Variants in OCA2 observed in about 807,000 individuals in gnomAD.
OCA2 encodes P protein.
Under a neutral mutation model 100.2 loss-of-function variants are expected in OCA2, and 77 were observed. That is an observed-to-expected ratio of 0.77 (90% CI 0.64 to 0.93). The LOEUF is 0.93. Ranked by LOEUF, OCA2 falls within the 40% of genes least tolerant of loss-of-function variation. The pLI is 0.00. For missense variants in OCA2, 1,062 were observed against 1,089.1 expected, an observed-to-expected ratio of 0.98 and a Z score of 0.35; for synonymous variants, 432 against 439.2, an observed-to-expected ratio of 0.98 and a Z score of 0.21.
intron 23 of OCA2, among the ~76,000 whole-genome samples, chr15:27,818,379 A>G (rs542499485): frequency 1.6e-3 from 237 of 152,210 alleles, no homozygotes; most frequent in African/African-American, 5.4e-3. Flanking sequence ...ACAGAGTGAG[A>G]CTCCATCTCC....
In OCA2 at chr15:28,043,441, A is replaced by G. The variant is rs2043261765; in HGVS notation, c.228-11278T>C. ...CAATAAATCTCCAAAAATCACAATA[A>G]AGAAGATTGGTGCCCATTTTTTCTG... On this transcript the variant is annotated intron_variant, in intron 2 of 23. Transcript: ENST00000354638. The surrounding 1 kb of genome is among the most constrained non-coding windows in gnomAD (Gnocchi z 4.4). Among the ~76,000 whole-genome samples the G allele has an allele frequency of 6.6e-6, 1 of 152,188 alleles. No homozygotes were observed. The highest frequency in any genetic ancestry group is 1.5e-5 in the Non-Finnish European group (1 of 68,042).
At chr15:27,819,049 T>C (rs1278652363) in intron 23 of OCA2, among the ~76,000 whole-genome samples, 1 of 152,186 alleles carries the variant, frequency 6.6e-6, no homozygotes, top group Non-Finnish European at 1.5e-5. Context: ...AGCTTACAAA[T>C]AGGGTAAAAC....
chr15:27,976,247 T>C (rs1178652642), intron 14 of OCA2, among the ~76,000 whole-genome samples: 2 of 152,228 alleles, frequency 1.3e-5, no homozygotes, highest in African/African-American at 4.8e-5. Context: ...TGATGCTTTG[T>C]ATTTCTTTTC....
chr15:27,904,757 AC>A (rs1205623872), intron 19 of OCA2, among the ~76,000 whole-genome samples: 1 of 151,682 alleles, frequency 6.6e-6, no homozygotes, highest in Non-Finnish European at 1.5e-5. Flanking sequence ...TATTCCCAGC[AC>A]CCCCCACCTC....
At chr15:27,896,559 C>A in intron 19 of OCA2, 2 of 368,916 alleles carry the variant, frequency 5.4e-6, no homozygotes, top group East Asian at 5.1e-5. Context: ...CCTCAGAGCT[C>A]AGAAGTGGGC....
At chr15:27,762,687 C>T (rs1464515134) in intron 23 of OCA2, among the ~76,000 whole-genome samples, 3 of 152,196 alleles carry the variant, frequency 2.0e-5, no homozygotes, top group Admixed American at 6.5e-5. Context: ...CCACAATGCA[C>T]TCCCCTCAGG....
chr15:28,021,596 C>T (rs574989472), intron 6 of OCA2, among the ~76,000 whole-genome samples: 1 of 152,214 alleles, frequency 6.6e-6, no homozygotes, highest in Non-Finnish European at 1.5e-5. Context: ...TTCTTGCAGG[C>T]TTTTCCTCCA....
intron 19 of OCA2, among the ~76,000 whole-genome samples, chr15:27,885,425 C>T (rs1432717428): frequency 1.2e-4 from 18 of 152,176 alleles, no homozygotes; most frequent in Non-Finnish European, 1.6e-4. Context: ...AATGAACACA[C>T]AGGCATGAAC....
intron 19 of OCA2, among the ~76,000 whole-genome samples, chr15:27,913,199 C>A (rs534010368): frequency 6.6e-6 from 1 of 152,080 alleles, no homozygotes; most frequent in Non-Finnish European, 1.5e-5. Context: ...TAGTAATATT[C>A]TACTAATGTT....
intron 23 of OCA2, among the ~76,000 whole-genome samples, chr15:27,827,965 T>A (rs567920456): frequency 6.6e-6 from 1 of 152,288 alleles, no homozygotes; most frequent in Non-Finnish European, 1.5e-5. Flanking sequence ...AGGCACTACT[T>A]TTATGGTAAA....
intron 2 of OCA2, among the ~76,000 whole-genome samples, chr15:28,050,850 A>G (rs1225154107): frequency 1.3e-5 from 2 of 151,288 alleles, no homozygotes; most frequent in African/African-American, 4.9e-5. Context: ...AGTCAGTACT[A>G]CTCTCCCTCA....
At chr15:28,086,130 G>T (rs920440183) in intron 1 of OCA2, among the ~76,000 whole-genome samples, 5 of 152,320 alleles carry the variant, frequency 3.3e-5, no homozygotes, top group Non-Finnish European at 7.3e-5. Context: ...TCCCCCAATG[G>T]CTTAAGTGGG....
At chr15:28,093,565 T>C (rs561661638) in intron 1 of OCA2, among the ~76,000 whole-genome samples, 9 of 152,038 alleles carry the variant, frequency 5.9e-5, no homozygotes, top group Non-Finnish European at 4.4e-5. Flanking sequence ...AAAAAAAAAC[T>C]AAAATTGCAA....
intron 18 of OCA2, among the ~76,000 whole-genome samples, chr15:27,941,125 C>T (rs557443167): frequency 1.7e-4 from 26 of 152,190 alleles, no homozygotes; most frequent in Admixed American, 6.5e-4. Context: ...GACTGTCTTT[C>T]TTATTAATGC....
chr15:27,929,825 A>AAATTTTTTTTTTTTTTTTTTTTT (rs71132826), intron 18 of OCA2, among the ~76,000 whole-genome samples: 3 of 149,126 alleles, frequency 2.0e-5, no homozygotes, highest in Non-Finnish European at 3.0e-5. Context: ...CAAATGGGAA[A>AAATTTTTTTTTTTTTTTTTTTTT]TATTTTAAAC....
At chr15:28,085,828 C>T (rs1046941924) in intron 1 of OCA2, among the ~76,000 whole-genome samples, 2 of 152,124 alleles carry the variant, frequency 1.3e-5, no homozygotes, top group Non-Finnish European at 2.9e-5. Flanking sequence ...AACTAAAAAC[C>T]TGATGTTTAG....
At chr15:28,007,495 C>CCAAGG (rs1191822525) in intron 9 of OCA2, among the ~76,000 whole-genome samples, 1 of 152,162 alleles carries the variant, frequency 6.6e-6, no homozygotes, top group South Asian at 2.1e-4. Context: ...CTTTGGGAGG[C>CCAAGG]CAAGGCAGGC....
At chr15:27,829,168 T>A (rs559703616) in intron 23 of OCA2, among the ~76,000 whole-genome samples, 1 of 152,164 alleles carries the variant, frequency 6.6e-6, no homozygotes, top group Admixed American at 6.5e-5. Context: ...TTAGAGTAGA[T>A]GACAGATAGA....
the OCA2 span, among the ~76,000 whole-genome samples, chr15:27,739,913 A>G: frequency 6.6e-6 from 1 of 152,244 alleles, no homozygotes. Flanking sequence ...CTCAGAGATC[A>G]CTGTCAGCAG....
Sources: gnomAD v4.1 joint callset for allele counts (sites outside exome capture counted in the v4.1 genomes callset) on GRCh38, gnomAD v4.1.1 for gene constraint, Gnocchi (gnomAD v3.1) non-coding constraint, MANE v1.5 for transcripts, NCBI Gene and HGNC (gene_info 2026-07-23, HGNC 2026-07-21) for gene names.